The following SLC4A4 variants were observed in gnomAD, a reference collection of about 807,000 sequenced individuals.
SLC4A4 encodes the protein electrogenic sodium bicarbonate cotransporter 1.
SLC4A4 carries 27 observed loss-of-function variants against 111.5 expected under a neutral mutation model. The ratio of observed to expected loss-of-function variants is 0.24; its 90% CI spans 0.18 to 0.33. The LOEUF is 0.33. SLC4A4 is among the 10% of genes least tolerant of loss of function. The probability of loss-of-function intolerance (pLI) is 1.00; values close to 1 mark genes in which losing one functional copy is unlikely to be tolerated. For synonymous variants in SLC4A4, 443 were observed against 463.4 expected (o/e 0.96, Z 0.57); for missense variants, 909 against 1,315.5 (o/e 0.69, Z 4.78).
chr4:71,331,586 T>C lies in SLC4A4; in HGVS notation c.254-7784T>C, dbSNP rs186530420. On this transcript the variant is annotated intron_variant, in intron 3 of 25. Coordinates refer to ENST00000264485, the MANE Select transcript of SLC4A4 (RefSeq NM_001098484.3). ...TCACACACTGGGGCCTGTTGTGGGG[T>C]TGGGGGAGGGGGGAGGGATAGCATT... Among the ~76,000 whole-genome samples, 40 of 99,588 alleles carry C rather than the reference T, an allele frequency of 4.0e-4. No individual in the cohort carries two copies. In the East Asian group the frequency reaches 6.1e-3, roughly 15 times the overall value. 65.3% of individuals were successfully genotyped at this position (99,588 alleles called of 152,430 possible).
intron 2 of SLC4A4, among the ~76,000 whole-genome samples, chr4:71,161,948 C>T (rs1488837738): frequency 3.3e-5 from 5 of 152,060 alleles, no homozygotes. Context: ...TACTCCTATC[C>T]CAATCTACTA....
At chr4:71,478,345 C>T (rs1728556414) in intron 14 of SLC4A4, among the ~76,000 whole-genome samples, 1 of 151,934 alleles carries the variant, frequency 6.6e-6, no homozygotes, top group South Asian at 2.1e-4. Flanking sequence ...ATAGCAAAGA[C>T]TTGGAACCAA....
chr4:71,364,606 C>A (rs1731079869), intron 6 of SLC4A4, among the ~76,000 whole-genome samples: 1 of 152,132 alleles, frequency 6.6e-6, no homozygotes, highest in Admixed American at 6.5e-5. Flanking sequence ...TCCTTCAAGC[C>A]TTTCAGGAGA....
intron 5 of SLC4A4, among the ~76,000 whole-genome samples, chr4:71,355,598 G>A (rs574445600): frequency 1.1e-4 from 17 of 152,332 alleles, no homozygotes; most frequent in African/African-American, 3.8e-4. Context: ...CCTCTGTGAG[G>A]CATGTGATGG....
chr4:71,240,364 A>C (rs1222000300), intron 2 of SLC4A4, among the ~76,000 whole-genome samples: 1 of 152,172 alleles, frequency 6.6e-6, no homozygotes, highest in African/African-American at 2.4e-5. Flanking sequence ...TGACTTCATG[A>C]GGAGGGGCCT....
chr4:71,552,217 T>C (rs1463465888), intron 20 of SLC4A4, among the ~76,000 whole-genome samples: 1 of 151,930 alleles, frequency 6.6e-6, no homozygotes, highest in Non-Finnish European at 1.5e-5. Context: ...TAAATGAGAA[T>C]ACTGAGGATA....
intron 6 of SLC4A4, among the ~76,000 whole-genome samples, chr4:71,395,450 G>A (rs1393485453): frequency 6.6e-6 from 1 of 152,082 alleles, no homozygotes; most frequent in Admixed American, 6.6e-5. Flanking sequence ...TTCCTCATCT[G>A]GTTCCTGCAT....
intron 13 of SLC4A4, among the ~76,000 whole-genome samples, chr4:71,471,085 A>T (rs1285117357): frequency 6.6e-6 from 1 of 151,966 alleles, no homozygotes; most frequent in Non-Finnish European, 1.5e-5. Context: ...AGAACTTTAA[A>T]TTCTAATATT....
chr4:71,507,509 A>G (rs935848501), intron 16 of SLC4A4, among the ~76,000 whole-genome samples: 1 of 152,224 alleles, frequency 6.6e-6, no homozygotes, highest in African/African-American at 2.4e-5. Flanking sequence ...GTATTACATA[A>G]TGGTAAAGGG....
chr4:71,422,677 T>G (rs965526533), intron 7 of SLC4A4, among the ~76,000 whole-genome samples: 3 of 150,720 alleles, frequency 2.0e-5, no homozygotes, highest in Non-Finnish European at 4.4e-5. Context: ...GCATGGCTGG[T>G]TCAATATACG....
chr4:71,353,169 G>T (rs919542183), intron 5 of SLC4A4, among the ~76,000 whole-genome samples: 2 of 152,068 alleles, frequency 1.3e-5, no homozygotes, highest in African/African-American at 4.8e-5. Flanking sequence ...TCAATTTTTC[G>T]TTACTTTTTA....
intron 2 of SLC4A4, among the ~76,000 whole-genome samples, chr4:71,172,438 T>C (rs1311168942): frequency 1.3e-5 from 2 of 152,020 alleles, no homozygotes; most frequent in Non-Finnish European, 2.9e-5. Context: ...GTATTTTTAG[T>C]AGAGATGGGG....
chr4:71,473,390 A>T, intron 14 of SLC4A4: 1 of 367,174 alleles, frequency 2.7e-6, no homozygotes, highest in South Asian at 7.8e-5. Context: ...ATGATTTTAA[A>T]CTTATAGAAG....
chr4:71,124,243 G>A lies in SLC4A4; in HGVS notation c.-2+31451G>A, dbSNP rs548443537. Among the ~76,000 whole-genome samples, 73 of 148,856 alleles carry A rather than the reference G, an allele frequency of 4.9e-4. No homozygotes were observed. In the South Asian group the frequency reaches 0.015, roughly 31 times the overall value. Reference sequence around the variant, plus strand: ...GCTAGAGTGCAGTGGTGCGATCTCAGCTCACTGCAACCTTTGCCTCCTGGT... The same window carrying A: ...GCTAGAGTGCAGTGGTGCGATCTCAACTCACTGCAACCTTTGCCTCCTGGT... On this transcript the variant is annotated intron_variant, in intron 2 of 26. Transcript: ENST00000649996.
intron 3 of SLC4A4, among the ~76,000 whole-genome samples, chr4:71,313,114 A>G (rs866188822): frequency 2.6e-5 from 4 of 152,222 alleles, no homozygotes; most frequent in East Asian, 1.9e-4. Flanking sequence ...AAAAATCACA[A>G]GCATTCCCAT....
chr4:71,482,426 A>C (rs1340349641), intron 14 of SLC4A4, among the ~76,000 whole-genome samples: 1 of 151,580 alleles, frequency 6.6e-6, no homozygotes, highest in Non-Finnish European at 1.5e-5. Flanking sequence ...AAATGAGCAG[A>C]ATTGATGCTT....
chr4:71,410,926 ATACAAAC>A (rs1353585411), intron 7 of SLC4A4, among the ~76,000 whole-genome samples: 2 of 152,150 alleles, frequency 1.3e-5, no homozygotes, highest in African/African-American at 4.8e-5. Flanking sequence ...TTTTACATTG[ATACAAAC>A]TATTGTGATT....
intron 7 of SLC4A4, among the ~76,000 whole-genome samples, chr4:71,425,239 CCAAGGAACCCTT>C (rs1723013142): frequency 6.6e-6 from 1 of 152,114 alleles, no homozygotes; most frequent in Non-Finnish European, 1.5e-5. Flanking sequence ...GAAACAAAGG[CCAAGGAACCCTT>C]TATTGTTGGC....
At chr4:71,277,001 G>A (rs1723117188) in intron 3 of SLC4A4, among the ~76,000 whole-genome samples, 2 of 152,094 alleles carry the variant, frequency 1.3e-5, no homozygotes. Flanking sequence ...CCAAGATTGT[G>A]CCACTGCACT....
Sources: allele counts gnomAD v4.1 joint callset (sites outside exome capture counted in the v4.1 genomes callset), GRCh38; gene constraint gnomAD v4.1.1; transcripts MANE v1.5; gene names NCBI Gene and HGNC (gene_info 2026-07-23, HGNC 2026-07-21).